The following KLRG1 variants were observed in gnomAD, a reference collection of about 807,000 sequenced individuals.
KLRG1 encodes killer cell lectin like receptor G1, also known as killer cell lectin-like receptor subfamily G member 1.
KLRG1 carries 16 observed loss-of-function variants against 21.8 expected under a neutral mutation model. That is an observed-to-expected ratio of 0.73 (90% confidence interval 0.50 to 1.11). KLRG1 has a LOEUF of 1.11. KLRG1 is among the 50% of genes most tolerant of loss of function. The pLI is 0.00. For synonymous variants in KLRG1, 69 were observed against 75.9 expected (o/e 0.91, Z 0.47); for missense variants, 173 against 218.3 (o/e 0.79, Z 1.31).
chr12:9,054,219 T>C, the KLRG1 span, among the ~76,000 whole-genome samples: 1 of 152,212 alleles, frequency 6.6e-6, no homozygotes, highest in African/African-American at 2.4e-5. Context: ...TATTTATTTA[T>C]CATGTTTATT....
chr12:9,192,947 C>T, the KLRG1 span, among the ~76,000 whole-genome samples: 3 of 152,124 alleles, frequency 2.0e-5, no homozygotes, highest in African/African-American at 2.4e-5. Context: ...TCTCTTTTGC[C>T]CTGATTCTGC....
chr12:9,156,259 G>A, the KLRG1 span: 9 of 207,096 alleles, frequency 4.3e-5, no homozygotes, highest in Admixed American at 1.8e-4. Flanking sequence ...CAGTACCTTC[G>A]CTTTGGGAAA....
chr12:9,187,553 A>C, the KLRG1 span, among the ~76,000 whole-genome samples: 1 of 152,216 alleles, frequency 6.6e-6, no homozygotes, highest in Non-Finnish European at 1.5e-5. Context: ...AATTACATAG[A>C]AATTAAACAA....
chr12:8,989,866 G>A, intron 1 of KLRG1, 149 bp downstream of exon 1: 1 of 584,192 alleles, frequency 1.7e-6, no homozygotes, highest in Non-Finnish European at 3.0e-6. Flanking sequence ...GTCCAGAGTT[G>A]GAATATGAAA....
chr12:9,057,412 T>C, the KLRG1 span, among the ~76,000 whole-genome samples: 2 of 152,140 alleles, frequency 1.3e-5, no homozygotes, highest in African/African-American at 4.8e-5. Context: ...ATGGGTACAA[T>C]GTACTCTAAT....
downstream of KLRG1, among the ~76,000 whole-genome samples, chr12:9,014,733 G>A (rs191595102): frequency 1.8e-4 from 28 of 151,848 alleles, no homozygotes; most frequent in African/African-American, 6.5e-4. Context: ...TAATTGTGGT[G>A]CATAAACTAC....
the KLRG1 span, among the ~76,000 whole-genome samples, chr12:9,032,730 CTT>C: frequency 6.6e-6 from 1 of 152,084 alleles, no homozygotes; most frequent in Non-Finnish European, 1.5e-5. Context: ...CAAGATTGGC[CTT>C]TTGAGATTTT....
At chr12:9,001,805 A>G (rs1218476990) in intron 3 of KLRG1, among the ~76,000 whole-genome samples, 2 of 152,182 alleles carry the variant, frequency 1.3e-5, no homozygotes, top group Non-Finnish European at 1.5e-5. Context: ...GATTTCAGCC[A>G]TGGGTTTGGT....
chr12:9,169,008 G>A, the KLRG1 span: 1 of 1,449,716 alleles, frequency 6.9e-7, no homozygotes, highest in African/African-American at 1.4e-5. Context: ...CTACTTGTAA[G>A]CTTGATTAGA....
downstream of KLRG1, among the ~76,000 whole-genome samples, chr12:9,015,057 G>A (rs35882740): frequency 0.23 from 35,554 of 151,888 alleles, 4,862 homozygotes; most frequent in East Asian, 0.37. Flanking sequence ...ACCGCCAGAG[G>A]AAATCACCTT....
At chr12:9,112,312 G>A in the KLRG1 span, 1 of 1,601,698 alleles carries the variant, frequency 6.2e-7, no homozygotes, top group South Asian at 1.1e-5. Flanking sequence ...ACTTTGCCTG[G>A]GGAACATCCA....
At chr12:9,205,228 C>G in the KLRG1 span, among the ~76,000 whole-genome samples, 184 of 152,266 alleles carry the variant, frequency 1.2e-3, no homozygotes, top group Middle Eastern at 0.014. Context: ...GCCTCACATT[C>G]TGGCCTTAGC....
chr12:9,108,509 C>T, the KLRG1 span, among the ~76,000 whole-genome samples: 435 of 152,288 alleles, frequency 2.9e-3, 5 homozygotes, highest in Non-Finnish European at 4.6e-3. Flanking sequence ...TGTCTCCTTT[C>T]CTATTTGAGA....
the KLRG1 span, among the ~76,000 whole-genome samples, chr12:9,145,226 G>A: frequency 5.3e-5 from 8 of 152,054 alleles, no homozygotes; most frequent in Non-Finnish European, 1.0e-4. Context: ...TTTTATGTTA[G>A]CCTTGTAATT....
the KLRG1 span, among the ~76,000 whole-genome samples, chr12:9,124,601 G>T: frequency 6.6e-6 from 1 of 152,232 alleles, no homozygotes; most frequent in Non-Finnish European, 1.5e-5. Context: ...CCCTGGTGCA[G>T]CTGCGGCACC....
At chr12:9,132,148 G>A in the KLRG1 span, among the ~76,000 whole-genome samples, 1 of 152,158 alleles carries the variant, frequency 6.6e-6, no homozygotes, top group East Asian at 1.9e-4. Flanking sequence ...GGGGATGAAG[G>A]TCTGCATGTT....
the KLRG1 span, chr12:9,197,145 A>G: frequency 2.0e-6 from 3 of 1,514,776 alleles, no homozygotes; most frequent in South Asian, 3.4e-5. Context: ...GAAATAAATC[A>G]GGAATTGAGA....
At chr12:9,136,580 A>G in the KLRG1 span, among the ~76,000 whole-genome samples, 1 of 152,200 alleles carries the variant, frequency 6.6e-6, no homozygotes, top group African/African-American at 2.4e-5. Context: ...ATATACATAT[A>G]TACAAATATA....
chr12:9,190,223 C>T, the KLRG1 span, among the ~76,000 whole-genome samples: 2 of 151,906 alleles, frequency 1.3e-5, no homozygotes, highest in Non-Finnish European at 2.9e-5. Flanking sequence ...TTGCAATGAA[C>T]AGTAGCAAAG....
Sources: allele counts gnomAD v4.1 joint callset (sites outside exome capture counted in the v4.1 genomes callset), GRCh38; gene constraint gnomAD v4.1.1; transcripts MANE v1.5; gene names NCBI Gene and HGNC (gene_info 2026-07-23, HGNC 2026-07-21).